The following FBXO34 variants were observed in gnomAD, a reference collection of about 807,000 sequenced individuals.
FBXO34 encodes F-box protein 34, also known as F-box only protein 34.
In FBXO34, 12 loss-of-function variants were observed where a neutral mutation model predicts 24.5. The ratio of observed to expected loss-of-function variants is 0.49; its 90% confidence interval spans 0.31 to 0.79. FBXO34 has a LOEUF of 0.79. Among genes scored for constraint, FBXO34 ranks in the 30% least tolerant of loss-of-function variants. FBXO34 has a pLI of 0.04. For synonymous variants in FBXO34, 320 were observed against 311.9 expected (o/e 1.03, Z -0.27); for missense variants, 823 against 857.7 (o/e 0.96, Z 0.51).
chr14:55,402,959 ATATATAT>A, the FBXO34 span, among the ~76,000 whole-genome samples: 21 of 76,812 alleles, frequency 2.7e-4, 2 homozygotes, highest in South Asian at 5.2e-4. Flanking sequence ...ATATATATAT[ATATATAT>A]ATAAATAGCT....
At chr14:55,369,625 G>A, downstream of FBXO34, 1 of 1,515,744 alleles carries the variant, frequency 6.6e-7, no homozygotes, top group Non-Finnish European at 8.8e-7. Flanking sequence ...CTCGTTAACG[G>A]TGTCCAGTGT....
At chr14:55,339,054 G>T (rs546623723) in intron 1 of FBXO34, among the ~76,000 whole-genome samples, 1 of 152,260 alleles carries the variant, frequency 6.6e-6, no homozygotes, top group African/African-American at 2.4e-5. Context: ...AGAGTGGTTG[G>T]GCAAGATATA....
chr14:55,435,847 C>T, the FBXO34 span: 1 of 1,555,018 alleles, frequency 6.4e-7, no homozygotes, highest in East Asian at 2.4e-5. Flanking sequence ...GAAATGTTAC[C>T]TTTGGGTTAT....
chr14:55,298,850 G>C lies in FBXO34; in HGVS notation c.-11+27313G>C, dbSNP rs1882237509. On this transcript the variant is annotated intron_variant, in intron 1 of 1. Coordinates refer to ENST00000313833, the MANE Select transcript of FBXO34 (RefSeq NM_017943.4). ...AGAGGTATGAGAAGCAGCTGGCGCA[G>C]ATCGACGGTACATTATCAACCATCG... 4 of 1,612,384 alleles carry C rather than the reference G, an allele frequency of 2.5e-6. No homozygotes were observed. In the East Asian group the frequency reaches 8.9e-5, roughly 36 times the overall value.
At chr14:55,374,012 G>C (rs1347693112), downstream of FBXO34, among the ~76,000 whole-genome samples, 2 of 152,102 alleles carry the variant, frequency 1.3e-5, no homozygotes, top group Non-Finnish European at 2.9e-5. Context: ...AATTGTGTGT[G>C]CAATTCTCAA....
At chr14:55,342,647 A>G (rs940698788) in intron 1 of FBXO34, among the ~76,000 whole-genome samples, 1 of 151,958 alleles carries the variant, frequency 6.6e-6, no homozygotes. Flanking sequence ...CTCTGCCTAT[A>G]TTCACACCCT....
the FBXO34 span, among the ~76,000 whole-genome samples, chr14:55,425,956 G>A: frequency 6.6e-6 from 1 of 152,110 alleles, no homozygotes; most frequent in South Asian, 2.1e-4. Flanking sequence ...ATTTATATCA[G>A]GATACCTTTG....
downstream of FBXO34, among the ~76,000 whole-genome samples, chr14:55,370,276 C>T (rs558914153): frequency 3.9e-5 from 6 of 152,266 alleles, no homozygotes; most frequent in African/African-American, 1.4e-4. Flanking sequence ...AGTAAATACA[C>T]GGCACTCCAA....
intron 1 of FBXO34, among the ~76,000 whole-genome samples, chr14:55,318,901 A>G (rs1465597216): frequency 6.6e-6 from 1 of 152,126 alleles, no homozygotes; most frequent in African/African-American, 2.4e-5. Flanking sequence ...TGAGTCTTCC[A>G]GTCTTGTGAC....
chr14:55,421,761 A>T, the FBXO34 span, among the ~76,000 whole-genome samples: 1 of 152,098 alleles, frequency 6.6e-6, no homozygotes, highest in Non-Finnish European at 1.5e-5. Context: ...CCATACCCAG[A>T]AACTTTCCCC....
chr14:55,356,228 G>T (rs7144737), downstream of FBXO34, among the ~76,000 whole-genome samples: 1 of 151,932 alleles, frequency 6.6e-6, no homozygotes, highest in African/African-American at 2.4e-5. Context: ...CCATAGCTCC[G>T]TTCCTTCTTC....
intron 1 of FBXO34, among the ~76,000 whole-genome samples, chr14:55,332,101 AAT>A (rs1385202273): frequency 5.5e-5 from 8 of 144,626 alleles, no homozygotes; most frequent in Admixed American, 6.9e-5. Context: ...TATATATTTA[AAT>A]ATATATATAA....
chr14:55,415,190 A>C, the FBXO34 span, among the ~76,000 whole-genome samples: 3,167 of 152,306 alleles, frequency 0.021, 90 homozygotes, highest in East Asian at 0.059. Flanking sequence ...ATTTATATGG[A>C]GCTTCAGCTA....
intron 1 of FBXO34, among the ~76,000 whole-genome samples, chr14:55,283,279 A>G (rs992499412): frequency 3.6e-5 from 2 of 55,396 alleles, no homozygotes; most frequent in African/African-American, 1.2e-4. Flanking sequence ...ATAAAAAGCT[A>G]AAAAAAAATA....
At chr14:55,442,679 G>T in the FBXO34 span, among the ~76,000 whole-genome samples, 1 of 151,948 alleles carries the variant, frequency 6.6e-6, no homozygotes, top group East Asian at 1.9e-4. Flanking sequence ...AATTGCTTAC[G>T]ATGGTATTTA....
the FBXO34 span, chr14:55,429,005 C>G: frequency 1.2e-6 from 2 of 1,611,260 alleles, no homozygotes; most frequent in Non-Finnish European, 1.7e-6. Context: ...TTAAAGATGT[C>G]TTAATCGCTA....
the FBXO34 span, chr14:55,411,917 TG>T: frequency 5.7e-6 from 7 of 1,226,380 alleles, no homozygotes; most frequent in Non-Finnish European, 7.9e-6. Context: ...GGGGCTGGGA[TG>T]CCGGCGAGCC....
chr14:55,359,970 G>C (rs7147136), intron 3 of FBXO34, among the ~76,000 whole-genome samples: 54,237 of 150,990 alleles, frequency 0.36, 10,361 homozygotes, highest in Non-Finnish European at 0.42. Flanking sequence ...GTCCCAACTA[G>C]TTGAGGCGCT....
At chr14:55,344,263 C>G (rs1884085632) in intron 1 of FBXO34, among the ~76,000 whole-genome samples, 1 of 152,136 alleles carries the variant, frequency 6.6e-6, no homozygotes, top group South Asian at 2.1e-4. Context: ...TCTTTATCAC[C>G]AAGTGGGCAC....
Sources: gnomAD v4.1 joint callset for allele counts (sites outside exome capture counted in the v4.1 genomes callset) on GRCh38, gnomAD v4.1.1 for gene constraint, MANE v1.5 for transcripts, NCBI Gene and HGNC (gene_info 2026-07-23, HGNC 2026-07-21) for gene names.